The following DAPK1 variants were observed in gnomAD, a reference collection of about 807,000 sequenced individuals.
DAPK1 encodes death associated protein kinase 1, also known as death-associated protein kinase 1.
Under a neutral mutation model 144.9 loss-of-function variants are expected in DAPK1, and 56 were observed. The observed-to-expected ratio is 0.39, with a 90% CI of 0.31 to 0.48. DAPK1 has a LOEUF of 0.48. Among genes scored for constraint, DAPK1 ranks in the 20% least tolerant of loss-of-function variants. The probability of loss-of-function intolerance (pLI) is 0.95; values close to 1 mark genes in which losing one functional copy is unlikely to be tolerated. For synonymous variants in DAPK1, 690 were observed against 749.0 expected, an observed-to-expected ratio of 0.92 and a Z score of 1.29; for missense variants, 1,454 against 1,875.4, an observed-to-expected ratio of 0.78 and a Z score of 4.15.
chr9:87,521,114 T>C (rs1354109489), intron 2 of DAPK1, among the ~76,000 whole-genome samples: 1 of 152,254 alleles, frequency 6.6e-6, no homozygotes, highest in East Asian at 1.9e-4. Context: ...CTGAGCTTCA[T>C]TTTGGCTTCA....
chr9:87,632,369 T>C, intron 3 of DAPK1: 1 of 983,220 alleles, frequency 1.0e-6, no homozygotes, highest in East Asian at 1.2e-4. Flanking sequence ...TGAAGGAGGA[T>C]GAGTGCATAT....
At chr9:87,655,279 T>G (rs1313807385) in intron 17 of DAPK1, among the ~76,000 whole-genome samples, 1 of 152,162 alleles carries the variant, frequency 6.6e-6, no homozygotes, top group Non-Finnish European at 1.5e-5. Context: ...TTGGCTTTGA[T>G]GCTCCCATCA....
intron 19 of DAPK1, among the ~76,000 whole-genome samples, chr9:87,674,537 AAAG>A (rs1824294507): frequency 6.7e-6 from 1 of 150,042 alleles, no homozygotes; most frequent in African/African-American, 2.5e-5. Context: ...AAAAAAAAAA[AAAG>A]TAGTTTGCTT....
chr9:87,587,309 T>C (rs1827970712), intron 2 of DAPK1, among the ~76,000 whole-genome samples: 1 of 152,230 alleles, frequency 6.6e-6, no homozygotes, highest in Admixed American at 6.5e-5. Flanking sequence ...AATTTTACTT[T>C]TAACCTTTGT....
chr9:87,679,228 A>G (rs982111921), intron 19 of DAPK1, among the ~76,000 whole-genome samples: 1 of 152,114 alleles, frequency 6.6e-6, no homozygotes, highest in African/African-American at 2.4e-5. Context: ...AGAGCACCCC[A>G]TAATTACAGG....
At chr9:87,578,941 A>G (rs911824764) in intron 2 of DAPK1, among the ~76,000 whole-genome samples, 1 of 152,132 alleles carries the variant, frequency 6.6e-6, no homozygotes, top group Non-Finnish European at 1.5e-5. Flanking sequence ...TTCATCTCTA[A>G]TGTTTTGTAC....
At chr9:87,524,938 T>A (rs1338100553) in intron 2 of DAPK1, among the ~76,000 whole-genome samples, 3 of 152,158 alleles carry the variant, frequency 2.0e-5, no homozygotes, top group African/African-American at 7.2e-5. Flanking sequence ...ATGGGGTGCA[T>A]TGTTTACTGC....
At chr9:87,575,492 G>A (rs1408139177) in intron 2 of DAPK1, among the ~76,000 whole-genome samples, 1 of 152,134 alleles carries the variant, frequency 6.6e-6, no homozygotes, top group Non-Finnish European at 1.5e-5. Flanking sequence ...AAACCTTAAG[G>A]AGCGTGTGGT....
chr9:87,688,590 A>G (rs1162457245), intron 21 of DAPK1, among the ~76,000 whole-genome samples: 8 of 152,060 alleles, frequency 5.3e-5, no homozygotes, highest in Admixed American at 5.2e-4. Context: ...CCTCACCAGC[A>G]TCTCTTGTTT....
chr9:87,601,706 C>T (rs1828524993), intron 2 of DAPK1, among the ~76,000 whole-genome samples: 2 of 152,092 alleles, frequency 1.3e-5, no homozygotes, highest in African/African-American at 2.4e-5. Context: ...ACACTTCATG[C>T]GCTCATTTCA....
intron 24 of DAPK1, among the ~76,000 whole-genome samples, chr9:87,702,561 T>C (rs575941441): frequency 6.6e-6 from 1 of 151,902 alleles, no homozygotes; most frequent in East Asian, 1.9e-4. Flanking sequence ...AGTGAGGGAG[T>C]GAAACATTAG....
intron 3 of DAPK1, among the ~76,000 whole-genome samples, chr9:87,607,049 C>CCG (rs1828757804): frequency 6.6e-6 from 1 of 151,398 alleles, no homozygotes; most frequent in South Asian, 2.1e-4. Context: ...CCTGCTTCCC[C>CCG]TGTACCCTCC....
chr9:87,645,132 T>C (rs1830225537), intron 11 of DAPK1, among the ~76,000 whole-genome samples: 1 of 152,194 alleles, frequency 6.6e-6, no homozygotes, highest in Non-Finnish European at 1.5e-5. Context: ...TGGTCATAAT[T>C]CTGTGTTTAT....
chr9:87,586,626 T>C (rs1487429247), intron 2 of DAPK1, among the ~76,000 whole-genome samples: 2 of 152,146 alleles, frequency 1.3e-5, no homozygotes, highest in Non-Finnish European at 2.9e-5. Context: ...TCAGACTAAG[T>C]TTTCATAGAT....
In DAPK1 at chr9:87,703,188, A is replaced by G. The variant is rs1297442521; in HGVS notation, c.3031A>G (p.Ile1011Val). The G allele has an allele frequency of 9.9e-6, 16 of 1,612,348 alleles. No homozygotes were observed. Among genetic ancestry groups the G allele is most frequent in the Admixed American group, 6.7e-5 (4 of 60,008 alleles). Residue 1011 changes from isoleucine to valine, a missense_variant, in exon 25 of 26, where the codon ATT becomes GTT. This residue lies in a region of DAPK1 where 1,025 missense variants were observed against 1,237.9 expected (regional missense o/e 0.83). Coordinates refer to ENST00000408954, the MANE Select transcript of DAPK1 (RefSeq NM_004938.4). Reference sequence around the variant, plus strand: ...GGCCAGCGAGGAGGACCTCAGGCGCATTGCTCAGCAGCTCCACAGCACAGG... The same window carrying G: ...GGCCAGCGAGGAGGACCTCAGGCGCGTTGCTCAGCAGCTCCACAGCACAGG... The part of the protein sequence containing the change: ...PLASEEDLRR[I>V]AQQLHSTGEI...
Position 87,499,131 on chromosome 9 carries a change from A to G in DAPK1, c.54A>G (p.Glu18=). Residue 18 remains glutamate, a synonymous_variant, in exon 2 of 26, where the codon GAA becomes GAG. Transcript: ENST00000408954. Reference sequence around the variant, plus strand: ...ATGATTACTACGACACCGGCGAGGAACTTGGCAGGTAAAGGGGGTACCAGA... The same window carrying G: ...ATGATTACTACGACACCGGCGAGGAGCTTGGCAGGTAAAGGGGGTACCAGA... ...NVDDYYDTGE[E]LGSGQFAVVK... is the part of the protein sequence containing the mutation. The G allele has an allele frequency of 1.2e-6, 2 of 1,613,882 alleles. No homozygotes were observed. The highest frequency in any genetic ancestry group is 1.7e-6 in the Non-Finnish European group (2 of 1,179,860).
intron 3 of DAPK1, among the ~76,000 whole-genome samples, chr9:87,622,502 G>C (rs1235429473): frequency 6.6e-6 from 1 of 152,100 alleles, no homozygotes; most frequent in Non-Finnish European, 1.5e-5. Flanking sequence ...GTGGGTAGAG[G>C]GAAGGTAGAT....
chr9:87,609,221 C>G (rs1307725007), intron 3 of DAPK1, among the ~76,000 whole-genome samples: 1 of 152,212 alleles, frequency 6.6e-6, no homozygotes, highest in Non-Finnish European at 1.5e-5. Flanking sequence ...TGGGCTGGAA[C>G]TACACCAGCA....
Position 87,703,144 on chromosome 9 carries a change from A to G in DAPK1, c.2987A>G (p.Gln996Arg), listed in dbSNP as rs778795308. 15 of 1,610,826 alleles carry G rather than the reference A, an allele frequency of 9.3e-6. No individual in the cohort carries two copies. The African/African-American group carries it at 1.3e-4, about 14-fold the overall frequency. ...CTGCAGCAGTTTGTGTACGACGTGC[A>G]GGACCAGCTGAACCCCCTGGCCAGC... ...MSLQQFVYDV[Q>R]DQLNPLASEE... is the part of the protein sequence containing the mutation. The change falls in exon 25 of 26, where the codon CAG (glutamine) becomes CGG (arginine). Residue 996 changes from glutamine (Q) to arginine (R), a missense_variant. Transcript: ENST00000408954.
Sources: allele counts gnomAD v4.1 joint callset (sites outside exome capture counted in the v4.1 genomes callset), GRCh38; gene constraint gnomAD v4.1.1; regional missense constraint gnomAD v4.1.1; transcripts MANE v1.5; gene names NCBI Gene and HGNC (gene_info 2026-07-23, HGNC 2026-07-21).